The following JUP variants were observed in gnomAD, a reference collection of about 807,000 sequenced individuals.
The protein encoded by JUP is junction plakoglobin.
JUP carries 28 observed loss-of-function variants against 71.1 expected under a neutral mutation model. The ratio of observed to expected loss-of-function variants is 0.39; its 90% CI spans 0.29 to 0.54. JUP has a LOEUF of 0.54. JUP is among the 20% of genes least tolerant of loss of function. The pLI, the probability that JUP is intolerant of heterozygous loss-of-function variation, is 0.62. For missense variants in JUP, 869 were observed against 1,030.1 expected (o/e 0.84, Z 2.14); for synonymous variants, 401 against 438.9 (o/e 0.91, Z 1.08).
intron 1 of JUP, chr17:41,772,097 T>C: frequency 1.6e-6 from 1 of 607,496 alleles, no homozygotes; most frequent in Non-Finnish European, 3.0e-6. Context: ...GCTGTGTGTA[T>C]GTCCTGGGCT....
At position 41,769,513 on chromosome 17, in the gene JUP, A is replaced by G. The variant is rs782755546; in HGVS notation, c.373T>C (p.Ser125Pro). 2 of 1,612,692 alleles carry G rather than the reference A, an allele frequency of 1.2e-6. No homozygotes were observed. The highest frequency in any genetic ancestry group is 3.3e-5 in the Admixed American group (2 of 59,848). ...RLAEPSQLLK[S>P]AIVHLINYQD... ...TAGTTGATGAGATGCACAATGGCCG[A>G]CTTGAGCAGCTGGGACGGCTCGGCC... The change falls in exon 3 of 14, where the codon TCG (serine) becomes CCG (proline). Residue 125 changes from serine (S) to proline (P), a missense_variant. By Grantham distance (74) the Ser-to-Pro change is moderately conservative. Coordinates refer to ENST00000393931, the MANE Select transcript of JUP (RefSeq NM_002230.4).
At chr17:41,771,371 T>C (rs1555606841) in intron 2 of JUP, 2 of 538,756 alleles carry the variant, frequency 3.7e-6, no homozygotes, top group Non-Finnish European at 6.7e-6. Context: ...GCAAGGACTA[T>C]GGCTTTTCCT....
At chr17:41,784,523 A>C (rs7214868) in intron 1 of JUP, among the ~76,000 whole-genome samples, 35,829 of 151,998 alleles carry the variant, frequency 0.24, 4,766 homozygotes, top group Middle Eastern at 0.42. Context: ...CATGTAGCCA[A>C]CATAATTACA....
Position 41,769,224 on chromosome 17 carries a change from G to A in JUP, c.469-17C>T. ...CACCACCACCTGGAGGGCAAAGGCA[G>A]GGGCGGGGACGTGAGCACTAAGGAG... is the stretch of plus-strand genomic sequence containing the variant. On this transcript the variant is annotated splice_polypyrimidine_tract_variant and intron_variant, in intron 3 of 13. Transcript: ENST00000393931. 1.3e-6 allele frequency: 2 copies of A among 1,597,884 alleles called. No homozygotes were observed. Among genetic ancestry groups the A allele is most frequent in the Non-Finnish European group, 1.7e-6 (2 of 1,178,408 alleles).
intron 5 of JUP, among the ~76,000 whole-genome samples, chr17:41,767,082 G>C (rs1450984839): frequency 2.0e-5 from 3 of 151,438 alleles, no homozygotes; most frequent in Non-Finnish European, 2.9e-5. Flanking sequence ...GAAAACAGAT[G>C]CAATATTGCA....
intron 10 of JUP, 64 bp from the exon 11 acceptor site, chr17:41,757,848 C>T: frequency 7.4e-7 from 1 of 1,356,830 alleles, no homozygotes; most frequent in Non-Finnish European, 1.0e-6. Context: ...CCGGACAACA[C>T]ACCCCACAGC....
At chr17:41,761,375 C>T (rs995259147) in intron 8 of JUP, among the ~76,000 whole-genome samples, 8 of 152,126 alleles carry the variant, frequency 5.3e-5, no homozygotes, top group African/African-American at 1.2e-4. Flanking sequence ...TTCTGGTGGC[C>T]GCTAGCCATC....
chr17:41,782,428 A>G (rs2047211409), intron 1 of JUP, among the ~76,000 whole-genome samples: 1 of 152,168 alleles, frequency 6.6e-6, no homozygotes, highest in Non-Finnish European at 1.5e-5. Context: ...TTTCTCGCCA[A>G]TCCCCACAGG....
intron 1 of JUP, 64 bp from the exon 2 acceptor site, chr17:41,771,926 C>T: frequency 7.4e-7 from 1 of 1,359,204 alleles, no homozygotes; most frequent in Non-Finnish European, 1.0e-6. Flanking sequence ...CAGCTTCAGC[C>T]CGTCACCAAG....
Position 41,769,540 on chromosome 17 carries a change from G to A in JUP, c.346C>T (p.Leu116=), listed in dbSNP as rs147121864. 5.6e-6 allele frequency: 9 copies of A among 1,609,662 alleles called. No homozygotes were observed. Among genetic ancestry groups the A allele is most frequent in the Non-Finnish European group, 7.6e-6 (9 of 1,178,726 alleles). The change falls in exon 3 of 14, where the codon CTG becomes TTG. Residue 116 remains leucine, a synonymous_variant. Transcript: ENST00000393931. ...TTGAGCAGCTGGGACGGCTCGGCCA[G>A]TCGCTGCAGGTTGGTGGCCTGCCCC... ...VEGQATNLQR[L]AEPSQLLKSA...
At chr17:41,786,057 G>T (rs1294896038) in intron 1 of JUP, 10 of 152,362 alleles carry the variant, frequency 6.6e-5, no homozygotes, top group African/African-American at 2.4e-4. Flanking sequence ...GAAAATGTGC[G>T]CTCGGCCCCC....
chr17:41,757,477 T>C lies in JUP; in HGVS notation c.1984A>G (p.Lys662Glu), dbSNP rs1555598659. The change falls in exon 12 of 14, where the codon AAG (lysine) becomes GAG (glutamate). Residue 662 changes from lysine to glutamate, a missense_variant. Lys to Glu is a moderately conservative substitution (Grantham distance 56). Transcript: ENST00000393931. ...TTGGTGAGCTCCACGGACACGCGCT[T>C]CCGGTAGTCTGGGTTCTTGTCCTCG... ...ISEDKNPDYRKRVSVELTNSL... is the reference protein window; with the variant it reads ...ISEDKNPDYRERVSVELTNSL... 1 of 1,614,154 alleles carries C rather than the reference T, an allele frequency of 6.2e-7. No homozygotes were observed. Among genetic ancestry groups the C allele is most frequent in the East Asian group, 2.2e-5 (1 of 44,882 alleles).
chr17:41,759,265 G>A lies in JUP; in HGVS notation c.1498-395C>T, dbSNP rs140231089. ...ATTTTTTGTATTTTTAGTAGAGACGGGGTTTCGCCATGTTGGGCAGGCTGG... is the reference window on the plus strand; with the variant it reads ...ATTTTTTGTATTTTTAGTAGAGACGAGGTTTCGCCATGTTGGGCAGGCTGG... On this transcript the variant is annotated intron_variant, in intron 8 of 13. Coordinates refer to ENST00000393931, the MANE Select transcript of JUP (RefSeq NM_002230.4). Among the ~76,000 whole-genome samples, 478 of 152,212 alleles carry A rather than the reference G, an allele frequency of 3.1e-3. 4 individuals are homozygous for A. The highest frequency in any genetic ancestry group is 0.011 in the African/African-American group (458 of 41,530).
chr17:41,757,589 T>C (rs1914043575), intron 11 of JUP, 45 bp downstream of exon 11: 3 of 1,614,092 alleles, frequency 1.9e-6, no homozygotes, highest in Non-Finnish European at 1.7e-6. Context: ...GCCTCCATCG[T>C]GGCTGGGGGA....
At chr17:41,777,921 A>T (rs1040740877) in intron 1 of JUP, among the ~76,000 whole-genome samples, 4 of 152,216 alleles carry the variant, frequency 2.6e-5, no homozygotes, top group African/African-American at 9.6e-5. Context: ...CCCCGTGGGC[A>T]GATTCCCAAA....
At chr17:41,758,618 G>C (rs988471131) in intron 9 of JUP, 97 bp downstream of exon 9, 1 of 1,569,366 alleles carries the variant, frequency 6.4e-7, no homozygotes, top group African/African-American at 1.4e-5. Context: ...CTTGGAATTG[G>C]CATCAGTTGC....
At chr17:41,782,762 C>T (rs1201867965) in intron 1 of JUP, among the ~76,000 whole-genome samples, 1 of 152,120 alleles carries the variant, frequency 6.6e-6, no homozygotes, top group Non-Finnish European at 1.5e-5. Flanking sequence ...TTCATGGGCC[C>T]TTCTGAATTC....
chr17:41,762,896 G>T, intron 8 of JUP, 87 bp downstream of exon 8: 2 of 1,091,012 alleles, frequency 1.8e-6, no homozygotes, highest in Non-Finnish European at 2.8e-6. Flanking sequence ...TGTATTTAGG[G>T]CTTCTTTGCT....
chr17:41,757,652 A>G lies in JUP; in HGVS notation c.1906T>C (p.Ser636Pro). The G allele has an allele frequency of 6.2e-7, 1 of 1,613,662 alleles. No individual in the cohort carries two copies. Among genetic ancestry groups the G allele is most frequent in the Non-Finnish European group, 8.5e-7 (1 of 1,179,818 alleles). The change falls in exon 11 of 14, where the codon TCC (serine) becomes CCC (proline). Residue 636 changes from serine to proline, a missense_variant. Coordinates refer to ENST00000393931, the MANE Select transcript of JUP (RefSeq NM_002230.4). Reference sequence around the variant, plus strand: ...AGCTCACCAGTGCCCTCGTTGCGGGAGTGCAGCAACTCCATGAGTGGGGCC... The same window carrying G: ...AGCTCACCAGTGCCCTCGTTGCGGGGGTGCAGCAACTCCATGAGTGGGGCC... The part of the protein sequence containing the change: ...ASAPLMELLH[S>P]RNEGTATYAA...
Sources: allele counts gnomAD v4.1 joint callset (sites outside exome capture counted in the v4.1 genomes callset), GRCh38; gene constraint gnomAD v4.1.1; transcripts MANE v1.5; gene names NCBI Gene and HGNC (gene_info 2026-07-23, HGNC 2026-07-21).